TBC1D22A: variants seen among roughly 807,000 people sequenced by gnomAD.
The protein encoded by TBC1D22A is putative GTPase activator.
A neutral mutation model predicts 60.2 loss-of-function variants in TBC1D22A; 38 were observed. The observed-to-expected ratio is 0.63, with a 90% confidence interval of 0.49 to 0.83. The LOEUF is 0.83. Ranked by LOEUF, TBC1D22A falls within the 40% of genes least tolerant of loss-of-function variation. The probability of loss-of-function intolerance (pLI) is 0.00; values close to 1 mark genes in which losing one functional copy is unlikely to be tolerated. For synonymous variants in TBC1D22A, 302 were observed against 281.7 expected, an observed-to-expected ratio of 1.07 and a Z score of -0.72; for missense variants, 628 against 701.0, an observed-to-expected ratio of 0.90 and a Z score of 1.18.
intron 10 of TBC1D22A, among the ~76,000 whole-genome samples, chr22:47,024,910 T>C (rs73888806): frequency 0.015 from 2,236 of 152,186 alleles, 48 homozygotes; most frequent in African/African-American, 0.051. Context: ...AGTTTAAAAA[T>C]AAAATGGTGG....
chr22:47,097,846 G>A (rs992662957), intron 11 of TBC1D22A, among the ~76,000 whole-genome samples: 1 of 152,098 alleles, frequency 6.6e-6, no homozygotes, highest in African/African-American at 2.4e-5. Flanking sequence ...AAATTCTGCA[G>A]GGGTGGGCTC....
intron 8 of TBC1D22A, among the ~76,000 whole-genome samples, chr22:46,917,487 G>A (rs1258253418): frequency 6.6e-6 from 1 of 152,174 alleles, no homozygotes; most frequent in Non-Finnish European, 1.5e-5. Flanking sequence ...GAAAAATCCA[G>A]TCACCTCCTA....
At chr22:46,775,348 C>T (rs566724263) in intron 1 of TBC1D22A, among the ~76,000 whole-genome samples, 11 of 152,262 alleles carry the variant, frequency 7.2e-5, no homozygotes, top group South Asian at 4.1e-4. Flanking sequence ...TGCTTCTTTC[C>T]GAATACGGAA....
chr22:46,943,010 G>T (rs950503888), intron 8 of TBC1D22A, among the ~76,000 whole-genome samples: 4 of 152,072 alleles, frequency 2.6e-5, no homozygotes, highest in African/African-American at 9.7e-5. Context: ...TGTGCTTCTG[G>T]GACCAAACGG....
chr22:46,962,961 C>A (rs1019387170), intron 8 of TBC1D22A, among the ~76,000 whole-genome samples: 23 of 151,786 alleles, frequency 1.5e-4, no homozygotes, highest in Non-Finnish European at 3.2e-4. Context: ...TGCCTGTAAT[C>A]CCAGCACTTT....
chr22:46,896,115 G>A (rs1602359837), intron 7 of TBC1D22A, among the ~76,000 whole-genome samples: 4 of 152,140 alleles, frequency 2.6e-5, no homozygotes, highest in Admixed American at 2.0e-4. Context: ...GGTTACTCAC[G>A]GAGTTAAGCA....
intron 12 of TBC1D22A, among the ~76,000 whole-genome samples, chr22:47,171,758 C>A (rs1473086345): frequency 6.6e-6 from 1 of 152,036 alleles, no homozygotes; most frequent in Non-Finnish European, 1.5e-5. Context: ...CGTGGGGGGT[C>A]CCCCGAGGAC....
intron 9 of TBC1D22A, among the ~76,000 whole-genome samples, chr22:46,975,261 G>A (rs921703119): frequency 7.2e-5 from 11 of 152,144 alleles, no homozygotes; most frequent in East Asian, 1.9e-4. Context: ...AAGCTCACTC[G>A]GGGTGGAGGG....
At chr22:46,782,743 C>T (rs1169654431) in intron 1 of TBC1D22A, among the ~76,000 whole-genome samples, 1 of 152,162 alleles carries the variant, frequency 6.6e-6, no homozygotes, top group African/African-American at 2.4e-5. Context: ...AGTATGCGGC[C>T]TTTTGCGTCT....
At chr22:46,765,467 T>C (rs575618107) in intron 1 of TBC1D22A, among the ~76,000 whole-genome samples, 10 of 152,296 alleles carry the variant, frequency 6.6e-5, no homozygotes, top group Admixed American at 4.6e-4. Context: ...GTTTTTGTTT[T>C]TGTTTTTGTT....
At chr22:47,170,194 C>T (rs1344117241) in intron 12 of TBC1D22A, among the ~76,000 whole-genome samples, 5 of 152,268 alleles carry the variant, frequency 3.3e-5, no homozygotes, top group South Asian at 2.1e-4. Context: ...TTGCAGGCTG[C>T]GAAGAACTGG....
At chr22:46,871,742 G>C (rs549819737) in intron 4 of TBC1D22A, among the ~76,000 whole-genome samples, 1 of 152,226 alleles carries the variant, frequency 6.6e-6, no homozygotes, top group East Asian at 1.9e-4. Context: ...AAGAATAAAG[G>C]TTTCCAATCC....
chr22:46,997,797 C>A, intron 10 of TBC1D22A, 88 bp downstream of exon 10: 1 of 1,216,344 alleles, frequency 8.2e-7, no homozygotes, highest in Non-Finnish European at 1.2e-6. Context: ...TCCTCATCCG[C>A]CGGCAGCATC....
intron 8 of TBC1D22A, chr22:46,915,609 G>A (rs1056913231): frequency 8.8e-6 from 4 of 456,604 alleles, no homozygotes; most frequent in African/African-American, 4.0e-5. Flanking sequence ...TTTCTTTGAA[G>A]TACAGGATAG....
At chr22:46,941,523 C>T (rs200294741) in intron 8 of TBC1D22A, among the ~76,000 whole-genome samples, 1 of 134,418 alleles carries the variant, frequency 7.4e-6, no homozygotes, top group Middle Eastern at 3.5e-3. Flanking sequence ...AATATATATA[C>T]ACGGAATATA....
At chr22:46,789,115 A>C (rs2084291221) in intron 1 of TBC1D22A, 2 of 159,900 alleles carry the variant, frequency 1.3e-5, no homozygotes, top group South Asian at 1.1e-4. Flanking sequence ...TTCTTAAGGA[A>C]TCTTCCTTCT....
intron 8 of TBC1D22A, among the ~76,000 whole-genome samples, chr22:46,970,367 C>T (rs1469892981): frequency 6.6e-6 from 1 of 152,206 alleles, no homozygotes; most frequent in African/African-American, 2.4e-5. Flanking sequence ...TTCCTTTGAA[C>T]CCTGGGATTG....
chr22:47,000,602 A>C (rs763653088), intron 10 of TBC1D22A, among the ~76,000 whole-genome samples: 21 of 152,192 alleles, frequency 1.4e-4, no homozygotes, highest in Admixed American at 2.6e-4. Flanking sequence ...AGCGACAGGC[A>C]AGCCCGCAGA....
At chr22:47,083,841 G>T (rs911228244) in intron 11 of TBC1D22A, among the ~76,000 whole-genome samples, 1 of 152,164 alleles carries the variant, frequency 6.6e-6, no homozygotes, top group Non-Finnish European at 1.5e-5. Flanking sequence ...ACTACTGCAC[G>T]CCCACCAGAA....
Sources: gnomAD v4.1 joint callset for allele counts (sites outside exome capture counted in the v4.1 genomes callset) on GRCh38, gnomAD v4.1.1 for gene constraint, MANE v1.5 for transcripts, NCBI Gene and HGNC (gene_info 2026-07-23, HGNC 2026-07-21) for gene names.